GRM8: variants seen among roughly 807,000 people sequenced by gnomAD.
GRM8 encodes the protein glutamate metabotropic receptor 8, also known as metabotropic glutamate receptor 8.
Under a neutral mutation model 87.2 loss-of-function variants are expected in GRM8, and 47 were observed. The observed-to-expected ratio is 0.54, with a 90% CI of 0.43 to 0.69. GRM8 has a LOEUF of 0.69. Ranked by LOEUF, GRM8 falls within the 30% of genes least tolerant of loss-of-function variation. The pLI, the probability that GRM8 is intolerant of heterozygous loss-of-function variation, is 0.00. For synonymous variants in GRM8, 396 were observed against 404.5 expected (o/e 0.98, Z 0.25); for missense variants, 1,019 against 1,139.2 (o/e 0.89, Z 1.52).
chr7:126,957,559 G>A (rs894098447), intron 3 of GRM8, among the ~76,000 whole-genome samples: 4 of 152,164 alleles, frequency 2.6e-5, no homozygotes, highest in Non-Finnish European at 5.9e-5. Context: ...TCCCAGCACC[G>A]GCTCGAGTGC....
At chr7:126,776,301 C>T (rs1819464537) in intron 6 of GRM8, among the ~76,000 whole-genome samples, 1 of 151,992 alleles carries the variant, frequency 6.6e-6, no homozygotes, top group Admixed American at 6.6e-5. Flanking sequence ...GTTTTAGAGG[C>T]CAAATTGACA....
chr7:126,526,130 T>A (rs1169890546), intron 9 of GRM8, among the ~76,000 whole-genome samples: 1 of 152,210 alleles, frequency 6.6e-6, no homozygotes, highest in Non-Finnish European at 1.5e-5. Flanking sequence ...GCACCCTGTA[T>A]GTTCCATGAG....
intron 6 of GRM8, among the ~76,000 whole-genome samples, chr7:126,775,318 T>C (rs913680723): frequency 2.0e-5 from 3 of 152,034 alleles, no homozygotes; most frequent in African/African-American, 7.2e-5. Context: ...TCTCTGCCTA[T>C]TGATAACCAG....
At chr7:126,645,362 G>T (rs1802915049) in intron 7 of GRM8, among the ~76,000 whole-genome samples, 1 of 152,160 alleles carries the variant, frequency 6.6e-6, no homozygotes, top group South Asian at 2.1e-4. Context: ...CAAAACTTGT[G>T]ACTCATGACT....
chr7:126,994,544 T>G (rs1812992524), intron 3 of GRM8, among the ~76,000 whole-genome samples: 1 of 152,118 alleles, frequency 6.6e-6, no homozygotes, highest in South Asian at 2.1e-4. Flanking sequence ...CTGGCAGCAT[T>G]GACCACAATC....
In GRM8 at chr7:127,116,730, G is replaced by A. The variant is rs537399176; in HGVS notation, c.511-10018C>T. Among the ~76,000 whole-genome samples, 24 of 152,306 alleles carry A rather than the reference G, an allele frequency of 1.6e-4. 1 individual carries two copies. The South Asian group carries it at 4.1e-3, about 26-fold the overall frequency. On this transcript the variant is annotated intron_variant, in intron 2 of 10. Coordinates refer to ENST00000339582, the MANE Select transcript of GRM8 (RefSeq NM_000845.3). ...CTCACTTGAGATCTCCTTCAGATGT[G>A]TATACTACCCAATTTGCAGAAATGA... is the stretch of plus-strand genomic sequence containing the variant.
At chr7:126,606,325 A>T (rs1461841758) in intron 8 of GRM8, among the ~76,000 whole-genome samples, 2 of 152,180 alleles carry the variant, frequency 1.3e-5, no homozygotes. Context: ...TGAGATACTG[A>T]ATTAATCATA....
At chr7:127,185,556 T>C (rs927013856) in intron 2 of GRM8, among the ~76,000 whole-genome samples, 1 of 152,130 alleles carries the variant, frequency 6.6e-6, no homozygotes, top group Non-Finnish European at 1.5e-5. Flanking sequence ...ACCTTGAGTT[T>C]GACAACGAAT....
At chr7:126,945,172 C>A (rs1807400221) in intron 3 of GRM8, among the ~76,000 whole-genome samples, 1 of 152,018 alleles carries the variant, frequency 6.6e-6, no homozygotes, top group African/African-American at 2.4e-5. Context: ...ATGTCCCCTG[C>A]AGAAATATTC....
chr7:126,902,461 T>C lies in GRM8; in HGVS notation c.1156+81A>G, dbSNP rs1586387226. 6 of 1,138,196 alleles carry C rather than the reference T, an allele frequency of 5.3e-6. No individual in the cohort carries two copies. In the East Asian group the frequency reaches 1.5e-4, roughly 28 times the overall value. The allele number at this position is 1,138,196 out of a possible 1,614,324, so 70.5% of individuals were successfully genotyped here. On this transcript the variant is annotated intron_variant, in intron 6 of 10. Transcript: ENST00000339582. Reference sequence around the variant, plus strand: ...TAGAAAATACATTCATCATTATCCATATAGAAAAACGTAATTTATCAAGTA... The same window carrying C: ...TAGAAAATACATTCATCATTATCCACATAGAAAAACGTAATTTATCAAGTA...
chr7:126,863,199 C>T (rs2130829038), intron 6 of GRM8, among the ~76,000 whole-genome samples: 1 of 152,162 alleles, frequency 6.6e-6, no homozygotes, highest in East Asian at 1.9e-4. Context: ...ATTTAACTTG[C>T]TTCATTAACT....
chr7:126,982,616 C>T (rs1003920632), intron 3 of GRM8, among the ~76,000 whole-genome samples: 7 of 152,114 alleles, frequency 4.6e-5, no homozygotes, highest in Non-Finnish European at 8.8e-5. Flanking sequence ...TCTTATGTCA[C>T]ATGATAAAGG....
rs781516596 is a variant in GRM8, at chr7:126,904,705, T to C, written c.728-22A>G. 1.9e-6 allele frequency: 3 copies of C among 1,608,798 alleles called. No homozygotes were observed. The South Asian group carries it at 3.3e-5, about 18-fold the overall frequency. On this transcript the variant is annotated intron_variant, in intron 3 of 10. Transcript: ENST00000339582. The stretch of plus-strand genomic sequence containing the variant: ...CCACCTATTTAAAAAAGAAGGGAGG[T>C]GGTGATTCAGAAAGAGCATTTATTT...
intron 2 of GRM8, among the ~76,000 whole-genome samples, chr7:127,131,281 C>G (rs1827671374): frequency 6.6e-6 from 1 of 152,076 alleles, no homozygotes. Context: ...TATAAAAGAT[C>G]CAGAGTTATA....
intron 7 of GRM8, among the ~76,000 whole-genome samples, chr7:126,698,837 A>ATAC (rs1196665020): frequency 2.6e-5 from 4 of 152,168 alleles, no homozygotes; most frequent in African/African-American, 9.7e-5. Flanking sequence ...ATTATTAATT[A>ATAC]TGTAGGCAAT....
intron 7 of GRM8, among the ~76,000 whole-genome samples, chr7:126,611,331 G>C (rs1798893429): frequency 6.6e-6 from 1 of 152,152 alleles, no homozygotes; most frequent in South Asian, 2.1e-4. Flanking sequence ...TTTTCTCATA[G>C]AGTTGTTGTG....
intron 7 of GRM8, among the ~76,000 whole-genome samples, chr7:126,664,626 G>A (rs1805567599): frequency 6.6e-6 from 1 of 152,050 alleles, no homozygotes; most frequent in Non-Finnish European, 1.5e-5. Context: ...AATAATTGAA[G>A]ATAGATTAAA....
intron 2 of GRM8, among the ~76,000 whole-genome samples, chr7:127,233,186 A>G (rs917457416): frequency 2.6e-5 from 4 of 152,192 alleles, no homozygotes; most frequent in Non-Finnish European, 5.9e-5. Flanking sequence ...TATCTTGCTT[A>G]AGGTAACACA....
chr7:127,044,405 C>T (rs1293604792), intron 3 of GRM8, among the ~76,000 whole-genome samples: 2 of 152,110 alleles, frequency 1.3e-5, no homozygotes, highest in East Asian at 3.8e-4. Context: ...TAGAAAGATG[C>T]ATCTACTTTT....
Sources: allele counts gnomAD v4.1 joint callset (sites outside exome capture counted in the v4.1 genomes callset), GRCh38; gene constraint gnomAD v4.1.1; transcripts MANE v1.5; gene names NCBI Gene and HGNC (gene_info 2026-07-23, HGNC 2026-07-21).